The following PCDH15 variants were observed in gnomAD, a reference collection of about 807,000 sequenced individuals.
The protein encoded by PCDH15 is protocadherin related 15, also known as protocadherin-15.
A neutral mutation model predicts 178.5 loss-of-function variants in PCDH15; 129 were observed. That is an observed-to-expected ratio of 0.72 (90% CI 0.63 to 0.84). The LOEUF (loss-of-function observed/expected upper bound fraction) is 0.84, where lower values mean the gene tolerates loss of function less well. Ranked by LOEUF, PCDH15 falls within the 40% of genes least tolerant of loss-of-function variation. PCDH15 has a pLI of 0.00. For missense variants in PCDH15, 2,230 were observed against 2,099.9 expected (o/e 1.06, Z -1.21); for synonymous variants, 800 against 732.0 (o/e 1.09, Z -1.50).
intron 4 of PCDH15, among the ~76,000 whole-genome samples, 165 bp downstream of exon 4, chr10:54,378,617 C>A (rs183604346): frequency 6.6e-6 from 1 of 152,196 alleles, no homozygotes; most frequent in East Asian, 1.9e-4. Context: ...ACAGATGTTC[C>A]CTTCCTTTCT....
At chr10:55,072,772 A>G (rs1185662180) in intron 2 of PCDH15, among the ~76,000 whole-genome samples, 1 of 152,024 alleles carries the variant, frequency 6.6e-6, no homozygotes, top group East Asian at 1.9e-4. Context: ...TCCTGATACC[A>G]AAGCCGGGCA....
At chr10:54,339,600 A>G (rs945359842) in intron 6 of PCDH15, among the ~76,000 whole-genome samples, 2 of 152,226 alleles carry the variant, frequency 1.3e-5, no homozygotes, top group Non-Finnish European at 2.9e-5. Context: ...CTTCTGAACA[A>G]TAGTGCAGAC....
chr10:54,029,892 A>G (rs2093241643), intron 18 of PCDH15, among the ~76,000 whole-genome samples: 2 of 152,116 alleles, frequency 1.3e-5, no homozygotes, highest in Non-Finnish European at 2.9e-5. Flanking sequence ...ACCTTAAAGC[A>G]TGCCTGTATG....
chr10:53,824,488 A>G (rs888056012), intron 32 of PCDH15, among the ~76,000 whole-genome samples: 9 of 152,206 alleles, frequency 5.9e-5, no homozygotes, highest in African/African-American at 2.2e-4. Context: ...CAACAAAATA[A>G]TAAAGCCACA....
intron 3 of PCDH15, among the ~76,000 whole-genome samples, chr10:54,408,416 G>A (rs1476019947): frequency 6.6e-6 from 1 of 152,008 alleles, no homozygotes; most frequent in African/African-American, 2.4e-5. Context: ...GTAAAACCAA[G>A]GTTGTAAATT....
chr10:54,226,140 T>C (rs1373044681), intron 9 of PCDH15, among the ~76,000 whole-genome samples: 1 of 152,112 alleles, frequency 6.6e-6, no homozygotes, highest in Non-Finnish European at 1.5e-5. Context: ...GACTGGGCAA[T>C]TTACAAAGGA....
chr10:54,125,895 G>T (rs2041949603), intron 15 of PCDH15, among the ~76,000 whole-genome samples: 1 of 152,004 alleles, frequency 6.6e-6, no homozygotes, highest in Non-Finnish European at 1.5e-5. Context: ...AGAATAGCTA[G>T]TAAAATAATA....
chr10:55,453,382 G>T (rs1167056909), intron 2 of PCDH15, among the ~76,000 whole-genome samples: 1 of 152,148 alleles, frequency 6.6e-6, no homozygotes, highest in Non-Finnish European at 1.5e-5. Flanking sequence ...TTTAGGTTTT[G>T]TAATAGAAAT....
intron 2 of PCDH15, among the ~76,000 whole-genome samples, chr10:55,582,628 A>ATATATTTT (rs780312007): frequency 1.7e-4 from 12 of 69,026 alleles, no homozygotes; most frequent in African/African-American, 4.0e-4. Context: ...ATATATATAT[A>ATATATTTT]TTTTTTTTTT....
At position 55,452,315 on chromosome 10, in the gene PCDH15, A is replaced by G. The variant is rs537533546; in HGVS notation, c.-156+175310T>C. Among the ~76,000 whole-genome samples the G allele has an allele frequency of 2.6e-5, 4 of 152,260 alleles. No individual in the cohort carries two copies. The East Asian group carries it at 7.7e-4, about 29-fold the overall frequency. Reference sequence around the variant, plus strand: ...TATCCACATGTTTGGCCTGCACGTTACCTTGACCCATAGCCAGAAACTAAC... The same window carrying G: ...TATCCACATGTTTGGCCTGCACGTTGCCTTGACCCATAGCCAGAAACTAAC... On this transcript the variant is annotated intron_variant, in intron 2 of 5. Coordinates refer to the PCDH15 transcript ENST00000613346.
intron 1 of PCDH15, among the ~76,000 whole-genome samples, chr10:54,672,966 CT>C (rs1299234870): frequency 2.0e-5 from 3 of 152,008 alleles, no homozygotes; most frequent in Non-Finnish European, 4.4e-5. Flanking sequence ...TAAAAAATGA[CT>C]TCACATGTTT....
chr10:53,972,740 G>A (rs904610086), intron 21 of PCDH15, among the ~76,000 whole-genome samples: 1 of 152,268 alleles, frequency 6.6e-6, no homozygotes, highest in South Asian at 2.1e-4. Flanking sequence ...ACCACAATGA[G>A]ATACCATCTC....
At chr10:55,207,053 C>T (rs1028804780) in intron 1 of PCDH15, among the ~76,000 whole-genome samples, 2 of 151,970 alleles carry the variant, frequency 1.3e-5, no homozygotes, top group Admixed American at 6.6e-5. Flanking sequence ...TTCTCTCACA[C>T]CCTTCTAACC....
intron 26 of PCDH15, among the ~76,000 whole-genome samples, chr10:53,888,776 C>G (rs2081357815): frequency 7.4e-6 from 1 of 135,630 alleles, no homozygotes; most frequent in Non-Finnish European, 1.6e-5. Flanking sequence ...CCAAGAGAAG[C>G]CAACAAACCT....
intron 3 of PCDH15, among the ~76,000 whole-genome samples, chr10:54,382,293 T>A (rs4935513): frequency 0.86 from 130,108 of 152,092 alleles, 55,876 homozygotes; most frequent in East Asian, 0.99. Context: ...CAGCTTCTTT[T>A]TATGTACTTC....
intron 2 of PCDH15, among the ~76,000 whole-genome samples, chr10:55,410,916 T>G (rs1261230316): frequency 6.6e-6 from 1 of 152,058 alleles, no homozygotes. Flanking sequence ...GCCCTTCAAG[T>G]AGGCACCCTC....
At chr10:54,656,451 A>G (rs1019791509) in intron 2 of PCDH15, among the ~76,000 whole-genome samples, 1 of 152,092 alleles carries the variant, frequency 6.6e-6, no homozygotes, top group Admixed American at 6.5e-5. Context: ...GTCCGTGGCA[A>G]TTTGGAAAAT....
intron 2 of PCDH15, among the ~76,000 whole-genome samples, chr10:55,061,839 G>A (rs1591869383): frequency 1.3e-5 from 2 of 152,214 alleles, no homozygotes; most frequent in South Asian, 2.1e-4. Flanking sequence ...GGTCAACATG[G>A]TGAAACCCCG....
intron 2 of PCDH15, among the ~76,000 whole-genome samples, chr10:55,342,231 TA>T (rs1387766917): frequency 2.6e-5 from 4 of 151,874 alleles, no homozygotes; most frequent in Admixed American, 2.6e-4. Flanking sequence ...CAAATTTCTT[TA>T]GATCAATTAT....
Sources: allele counts gnomAD v4.1 joint callset (sites outside exome capture counted in the v4.1 genomes callset), GRCh38; gene constraint gnomAD v4.1.1; transcripts MANE v1.5; gene names NCBI Gene and HGNC (gene_info 2026-07-23, HGNC 2026-07-21).